Variants in PHACTR3 observed in about 807,000 individuals in gnomAD.
PHACTR3 encodes protein phosphatase 1, regulatory subunit 123.
Under a neutral mutation model 66.8 loss-of-function variants are expected in PHACTR3, and 16 were observed. The ratio of observed to expected loss-of-function variants is 0.24; its 90% confidence interval spans 0.16 to 0.36. PHACTR3 has a LOEUF of 0.36. Ranked by LOEUF, PHACTR3 falls within the 10% of genes least tolerant of loss-of-function variation. The pLI is 1.00. For missense variants in PHACTR3, 647 were observed against 719.9 expected, an observed-to-expected ratio of 0.90 and a Z score of 1.16; for synonymous variants, 323 against 292.1, an observed-to-expected ratio of 1.11 and a Z score of -1.08.
chr20:59,604,776 C>T lies in PHACTR3; in HGVS notation c.-239C>T, dbSNP rs1223738484. 2.2e-5 allele frequency: 26 copies of T among 1,191,220 alleles called. No individual in the cohort carries two copies. Among genetic ancestry groups the T allele is most frequent in the Non-Finnish European group, 2.6e-5 (25 of 964,704 alleles). 73.8% of individuals were successfully genotyped at this position (1,191,220 alleles called of 1,614,324 possible). A position where few individuals can be genotyped will look rare whatever the true frequency, so the allele number is the denominator to read the frequency against. Reference sequence around the variant, plus strand: ...ACACGAATAAATAACAAAGCGAGGCCGCGCACGCCGGGATGCGCCTGGCTG... The same window carrying T: ...ACACGAATAAATAACAAAGCGAGGCTGCGCACGCCGGGATGCGCCTGGCTG... On this transcript the variant is annotated 5_prime_UTR_variant, in exon 1 of 13. Transcript: ENST00000371015.
At chr20:59,842,341 T>C (rs553954952) in intron 11 of PHACTR3, among the ~76,000 whole-genome samples, 1 of 152,206 alleles carries the variant, frequency 6.6e-6, no homozygotes, top group Non-Finnish European at 1.5e-5. Context: ...TTGTTCTTCA[T>C]TCTTCATATG....
intron 1 of PHACTR3, among the ~76,000 whole-genome samples, chr20:59,708,595 G>A (rs1463863433): frequency 1.3e-5 from 2 of 152,136 alleles, no homozygotes; most frequent in Non-Finnish European, 2.9e-5. Context: ...GTCTGCTTTC[G>A]GTTGCCCTGC....
chr20:59,619,866 C>T (rs2034172023), intron 1 of PHACTR3, among the ~76,000 whole-genome samples: 1 of 152,224 alleles, frequency 6.6e-6, no homozygotes, highest in Non-Finnish European at 1.5e-5. Context: ...GACTCTGATG[C>T]TCCTGCTGTG....
intron 6 of PHACTR3, 42 bp downstream of exon 6, chr20:59,773,495 C>G: frequency 6.5e-7 from 1 of 1,539,582 alleles, no homozygotes; most frequent in South Asian, 1.2e-5. Context: ...CTGCCAGAAT[C>G]CCTGCCTGGC....
chr20:59,690,844 A>G (rs1568716166), intron 1 of PHACTR3, among the ~76,000 whole-genome samples: 1 of 152,182 alleles, frequency 6.6e-6, no homozygotes, highest in South Asian at 2.1e-4. Flanking sequence ...TGTTCATATT[A>G]CCAAAGCCTC....
At chr20:59,766,497 G>T (rs1459950490) in intron 4 of PHACTR3, among the ~76,000 whole-genome samples, 1 of 152,158 alleles carries the variant, frequency 6.6e-6, no homozygotes, top group Non-Finnish European at 1.5e-5. Flanking sequence ...GGATTGATAG[G>T]TTGAGGGAAA....
At chr20:59,592,829 T>C (rs1051000486) in intron 1 of PHACTR3, among the ~76,000 whole-genome samples, 2 of 148,710 alleles carry the variant, frequency 1.3e-5, no homozygotes, top group African/African-American at 2.5e-5. Flanking sequence ...GCTTTATAGT[T>C]CATTTTTTTT....
rs149705148 is a variant in PHACTR3, at chr20:59,597,356, T to C, written c.109+19739T>C. 5.4e-3 allele frequency among the ~76,000 whole-genome samples: 827 copies of C among 152,320 alleles called. 10 individuals are homozygous for C. The highest frequency in any genetic ancestry group is 0.019 in the African/African-American group (771 of 41,554). ...TCCTTTCATACTTCCTCCTCCTTTATCATCATCATCAAGTCAGTGACTTTT... is the reference window on the plus strand; with the variant it reads ...TCCTTTCATACTTCCTCCTCCTTTACCATCATCATCAAGTCAGTGACTTTT... On this transcript the variant is annotated intron_variant, in intron 1 of 12. Coordinates refer to the PHACTR3 transcript ENST00000359926.
intron 1 of PHACTR3, among the ~76,000 whole-genome samples, chr20:59,662,107 C>T (rs1028838088): frequency 6.6e-6 from 1 of 152,184 alleles, no homozygotes; most frequent in African/African-American, 2.4e-5. Flanking sequence ...TATTCTGTCA[C>T]CCCAAATCTG....
chr20:59,596,945 C>A (rs1404363663), intron 1 of PHACTR3, among the ~76,000 whole-genome samples: 1 of 152,266 alleles, frequency 6.6e-6, no homozygotes, highest in Non-Finnish European at 1.5e-5. Context: ...TTGGACACGG[C>A]TTACCCCCTC....
chr20:59,686,870 T>TGA lies in PHACTR3; in HGVS notation c.119-56237_119-56236insGA, dbSNP rs879753252. Among the ~76,000 whole-genome samples, 513 of 141,932 alleles carry TGA rather than the reference T, an allele frequency of 3.6e-3. 2 individuals are homozygous for TGA. The highest frequency in any genetic ancestry group is 6.3e-3 in the Non-Finnish European group (392 of 62,074). The allele number at this position is 141,932 out of a possible 152,430, so 93.1% of individuals were successfully genotyped here. A position where few individuals can be genotyped will look rare whatever the true frequency, so the allele number is the denominator to read the frequency against. ...ATGATGGTGATGATGATGGTGGTGA[T>TGA]TGTGATGATGGTGGTGATTGTGATG... On this transcript the variant is annotated intron_variant, in intron 1 of 12. Coordinates refer to ENST00000371015, the MANE Select transcript of PHACTR3 (RefSeq NM_080672.5).
Position 59,622,986 on chromosome 20 carries a change from A to AAAAAAAAAAAAAACAAAAAC in PHACTR3, c.118+17867_118+17868insCAAAAACAAAAAAAAAAAAA, listed in dbSNP as rs2034303896. 1.4e-5 allele frequency among the ~76,000 whole-genome samples: 2 copies of AAAAAAAAAAAAAACAAAAAC among 140,140 alleles called. 1 individual carries two copies. Among genetic ancestry groups the AAAAAAAAAAAAAACAAAAAC allele is most frequent in the Non-Finnish European group, 3.1e-5 (2 of 65,272 alleles). 91.9% of individuals were successfully genotyped at this position (140,140 alleles called of 152,430 possible). ...AATTTTACAGCAGCTTTAACCAAAA[A>AAAAAAAAAAAAAACAAAAAC]AAAAAAAAAAAAAAACCCAAATCTT... On this transcript the variant is annotated intron_variant, in intron 1 of 12. Coordinates refer to ENST00000371015, the MANE Select transcript of PHACTR3 (RefSeq NM_080672.5).
At chr20:59,806,843 C>T (rs2041586857) in intron 8 of PHACTR3, among the ~76,000 whole-genome samples, 1 of 152,220 alleles carries the variant, frequency 6.6e-6, no homozygotes, top group Non-Finnish European at 1.5e-5. Context: ...AGGCTACAAA[C>T]CCGTACAGCA....
At chr20:59,689,945 G>C (rs138127896) in intron 1 of PHACTR3, among the ~76,000 whole-genome samples, 1 of 152,246 alleles carries the variant, frequency 6.6e-6, no homozygotes, top group African/African-American at 2.4e-5. Flanking sequence ...GAGCCTTCCA[G>C]CTTCCTCTGT....
At chr20:59,822,824 C>T (rs1459705973) in intron 8 of PHACTR3, among the ~76,000 whole-genome samples, 1 of 152,204 alleles carries the variant, frequency 6.6e-6, no homozygotes, top group African/African-American at 2.4e-5. Context: ...CCCAGTGGAA[C>T]AGCCGCCAGG....
chr20:59,625,775 GT>G (rs1222312697), intron 1 of PHACTR3, among the ~76,000 whole-genome samples: 2 of 152,112 alleles, frequency 1.3e-5, no homozygotes, highest in East Asian at 3.9e-4. Flanking sequence ...GCCCGGGGCT[GT>G]TTCTCACCCT....
chr20:59,828,890 G>T (rs1438748605), intron 8 of PHACTR3, among the ~76,000 whole-genome samples: 1 of 152,082 alleles, frequency 6.6e-6, no homozygotes, highest in African/African-American at 2.4e-5. Flanking sequence ...CCATCATCCA[G>T]GGCTGAGGCT....
chr20:59,635,149 T>TTCTTTCTTTCG (rs1555881160), intron 1 of PHACTR3, among the ~76,000 whole-genome samples: 1 of 60,378 alleles, frequency 1.7e-5, no homozygotes, highest in African/African-American at 6.6e-5. Flanking sequence ...CTTTCTTTCT[T>TTCTTTCTTTCG]TTTCTTTCTT....
rs1003559655 is a variant in PHACTR3, at chr20:59,829,492, C to T, written c.1329-7013C>T. 2.0e-5 allele frequency among the ~76,000 whole-genome samples: 3 copies of T among 152,258 alleles called. No individual in the cohort carries two copies. The highest frequency in any genetic ancestry group is 4.4e-5 in the Non-Finnish European group (3 of 68,042). On this transcript the variant is annotated intron_variant, in intron 8 of 12. Coordinates refer to ENST00000371015, the MANE Select transcript of PHACTR3 (RefSeq NM_080672.5). The surrounding 1 kb of genome is among the most constrained non-coding windows in gnomAD (Gnocchi z 4.2). ...ACATAGGGTCAATGTGCCTGTCATC[C>T]GTGCACCCAGATGGTGTGCGCCTGG...
Sources: gnomAD v4.1 joint callset for allele counts (sites outside exome capture counted in the v4.1 genomes callset) on GRCh38, gnomAD v4.1.1 for gene constraint, Gnocchi (gnomAD v3.1) non-coding constraint, MANE v1.5 for transcripts, NCBI Gene and HGNC (gene_info 2026-07-23, HGNC 2026-07-21) for gene names.